RGS6: variants seen among roughly 807,000 people sequenced by gnomAD.
RGS6 encodes regulator of G protein signaling 6, also known as regulator of G-protein signaling 6.
Under a neutral mutation model 78.5 loss-of-function variants are expected in RGS6, and 30 were observed. That is an observed-to-expected ratio of 0.38 (90% confidence interval 0.29 to 0.52). RGS6 has a LOEUF of 0.52. Among genes scored for constraint, RGS6 ranks in the 20% least tolerant of loss-of-function variants. The pLI, the probability that RGS6 is intolerant of heterozygous loss-of-function variation, is 0.85. For missense variants in RGS6, 495 were observed against 609.7 expected, an observed-to-expected ratio of 0.81 and a Z score of 1.98; for synonymous variants, 206 against 206.0, an observed-to-expected ratio of 1.00 and a Z score of 0.00.
intron 12 of RGS6, among the ~76,000 whole-genome samples, chr14:72,479,259 CCAAA>C (rs1461808685): frequency 2.0e-5 from 3 of 152,140 alleles, no homozygotes; most frequent in Non-Finnish European, 2.9e-5. Flanking sequence ...AACTCCAACC[CCAAA>C]CAAAGAGTCT....
At chr14:72,593,645 C>T in the RGS6 span, among the ~76,000 whole-genome samples, 1 of 152,172 alleles carries the variant, frequency 6.6e-6, no homozygotes, top group African/African-American at 2.4e-5. Context: ...CCTCAGCCTC[C>T]CAAAGCGCTG....
chr14:72,185,077 C>G (rs994340542), intron 2 of RGS6, among the ~76,000 whole-genome samples: 2 of 152,112 alleles, frequency 1.3e-5, no homozygotes, highest in Admixed American at 1.3e-4. Flanking sequence ...GTCCAAAAGC[C>G]GAAGAACTTG....
At chr14:72,324,321 C>G (rs562150072) in intron 2 of RGS6, among the ~76,000 whole-genome samples, 1 of 151,906 alleles carries the variant, frequency 6.6e-6, no homozygotes, top group African/African-American at 2.4e-5. Context: ...TAAACAAAAT[C>G]AGAAAATGAT....
At chr14:72,415,240 C>A (rs559391338) in intron 3 of RGS6, among the ~76,000 whole-genome samples, 2 of 152,254 alleles carry the variant, frequency 1.3e-5, no homozygotes, top group Non-Finnish European at 2.9e-5. Context: ...TGGGCAATGG[C>A]GGGTGCCCCT....
At chr14:72,619,312 A>G in the RGS6 span, 1 of 1,536,120 alleles carries the variant, frequency 6.5e-7, no homozygotes, top group East Asian at 2.4e-5. Flanking sequence ...CCTGGCAGCC[A>G]AAGGCTGAGG....
At chr14:72,168,726 C>G (rs539594057) in intron 2 of RGS6, among the ~76,000 whole-genome samples, 4 of 152,120 alleles carry the variant, frequency 2.6e-5, no homozygotes, top group Non-Finnish European at 4.4e-5. Context: ...TGTGGAACAG[C>G]GCTGCTCTAG....
At chr14:72,044,695 ACT>A (rs564840099) in intron 2 of RGS6, among the ~76,000 whole-genome samples, 25 of 151,850 alleles carry the variant, frequency 1.6e-4, no homozygotes, top group Non-Finnish European at 1.0e-4. Flanking sequence ...ACATGGTGAG[ACT>A]CTGTCTCTAC....
chr14:72,457,401 GT>G (rs1275152857), intron 4 of RGS6, among the ~76,000 whole-genome samples: 2 of 152,154 alleles, frequency 1.3e-5, no homozygotes, highest in Non-Finnish European at 2.9e-5. Context: ...AAGATTGTGT[GT>G]GGTAGAAGCA....
intron 3 of RGS6, among the ~76,000 whole-genome samples, chr14:72,366,399 TA>T (rs1456643979): frequency 6.6e-6 from 1 of 152,156 alleles, no homozygotes; most frequent in Non-Finnish European, 1.5e-5. Context: ...CATTAGAATA[TA>T]ATCTCTGTCT....
chr14:71,981,509 A>C (rs4902963), intron 2 of RGS6, among the ~76,000 whole-genome samples: 1 of 146,760 alleles, frequency 6.8e-6, no homozygotes, highest in Non-Finnish European at 1.5e-5. Flanking sequence ...GTCTGTTGGA[A>C]TACCCGGCCG....
At chr14:72,507,118 G>A (rs1369824697) in intron 13 of RGS6, among the ~76,000 whole-genome samples, 5 of 151,488 alleles carry the variant, frequency 3.3e-5, no homozygotes, top group African/African-American at 7.3e-5. Context: ...GCAGTGAGCC[G>A]AGATCACCCC....
intron 2 of RGS6, among the ~76,000 whole-genome samples, chr14:72,338,272 T>A (rs1256155159): frequency 2.0e-5 from 3 of 152,222 alleles, no homozygotes; most frequent in African/African-American, 7.2e-5. Context: ...GACTCACGGT[T>A]CCACGTGGTT....
At chr14:72,217,562 A>G (rs567101930) in intron 2 of RGS6, among the ~76,000 whole-genome samples, 1 of 152,204 alleles carries the variant, frequency 6.6e-6, no homozygotes, top group Non-Finnish European at 1.5e-5. Context: ...ATTTAAAAAA[A>G]AGTAACACAA....
intron 3 of RGS6, among the ~76,000 whole-genome samples, chr14:72,415,425 G>A (rs7151688): frequency 0.2 from 30,675 of 152,154 alleles, 3,586 homozygotes; most frequent in South Asian, 0.33. Context: ...CCAATTTTCT[G>A]GGTTCCGTCT....
At chr14:72,168,827 A>G (rs896577845) in intron 2 of RGS6, among the ~76,000 whole-genome samples, 3 of 152,228 alleles carry the variant, frequency 2.0e-5, no homozygotes, top group East Asian at 3.9e-4. Context: ...GAGCCCTCTA[A>G]AGCGTGGAGT....
At chr14:72,086,229 C>T (rs377377449) in intron 2 of RGS6, among the ~76,000 whole-genome samples, 1 of 152,174 alleles carries the variant, frequency 6.6e-6, no homozygotes, top group African/African-American at 2.4e-5. Context: ...GAGATGAAGT[C>T]GTTTTTCAAA....
chr14:72,457,826 A>G (rs998890007), intron 4 of RGS6, among the ~76,000 whole-genome samples: 5 of 152,164 alleles, frequency 3.3e-5, no homozygotes, highest in Non-Finnish European at 7.3e-5. Flanking sequence ...TGGGAGTCCT[A>G]CGTCTCTATG....
At chr14:72,437,876 T>C (rs2095011515) in intron 3 of RGS6, among the ~76,000 whole-genome samples, 1 of 152,214 alleles carries the variant, frequency 6.6e-6, no homozygotes, top group Non-Finnish European at 1.5e-5. Flanking sequence ...ACAAGATACT[T>C]CAGGGAGTCT....
chr14:72,458,408 C>T (rs374592987), intron 5 of RGS6, 31 bp downstream of exon 5: 2 of 1,482,066 alleles, frequency 1.3e-6, no homozygotes, highest in African/African-American at 1.4e-5. Flanking sequence ...TCCTGAAGAA[C>T]CTTTTCTTCA....
Sources: allele counts gnomAD v4.1 joint callset (sites outside exome capture counted in the v4.1 genomes callset), GRCh38; gene constraint gnomAD v4.1.1; transcripts MANE v1.5; gene names NCBI Gene and HGNC (gene_info 2026-07-23, HGNC 2026-07-21).